ITPR2: variants seen among roughly 807,000 people sequenced by gnomAD.
ITPR2 encodes the protein inositol 1,4,5-trisphosphate receptor type 2.
Under a neutral mutation model 317.1 loss-of-function variants are expected in ITPR2, and 207 were observed. The observed-to-expected ratio is 0.65, with a 90% CI of 0.58 to 0.73. ITPR2 has a LOEUF of 0.73. Ranked by LOEUF, ITPR2 falls within the 30% of genes least tolerant of loss-of-function variation. ITPR2 has a pLI of 0.00. For missense variants in ITPR2, 2,613 were observed against 3,284.0 expected (o/e 0.80, Z 4.99); for synonymous variants, 1,156 against 1,149.1 (o/e 1.01, Z -0.12).
At position 26,602,472 on chromosome 12, in the gene ITPR2, G is replaced by A. The variant is rs1234134338; in HGVS notation, c.3576C>T (p.Leu1192=). The A allele has an allele frequency of 6.2e-7, 1 of 1,613,268 alleles. No individual in the cohort carries two copies. The highest frequency in any genetic ancestry group is 2.2e-5 in the East Asian group (1 of 44,854). Residue 1192 remains leucine, a synonymous_variant, in exon 28 of 57, where the codon CTC becomes CTT. Coordinates refer to ENST00000381340, the MANE Select transcript of ITPR2 (RefSeq NM_002223.4). ...TCCGACACTTTTTATTCTGCACACA[G>A]AGTTTACTTAGCCTGATCAAAATCT... The part of the protein sequence containing the change: ...VKEILIRLSK[L]CVQNKKCRNQ...
At position 26,437,127 on chromosome 12, in the gene ITPR2, T is replaced by C. The variant is rs150750346; in HGVS notation, c.6644-781A>G. ...CACCTCTGTTAAATAACTGAACGGA[T>C]TGGTAATGCATGTAAGTTTGAATGA... On this transcript the variant is annotated intron_variant, in intron 47 of 56. Coordinates refer to ENST00000381340, the MANE Select transcript of ITPR2 (RefSeq NM_002223.4). Among the ~76,000 whole-genome samples, 127 of 152,310 alleles carry C rather than the reference T, an allele frequency of 8.3e-4. 1 individual carries two copies. The highest frequency in any genetic ancestry group is 2.8e-3 in the African/African-American group (116 of 41,574).
At chr12:26,689,037 G>A (rs576642638) in intron 10 of ITPR2, among the ~76,000 whole-genome samples, 9 of 152,248 alleles carry the variant, frequency 5.9e-5, no homozygotes, top group South Asian at 2.1e-4. Context: ...TGATGGATAC[G>A]TTAATTTGCT....
intron 1 of ITPR2, among the ~76,000 whole-genome samples, chr12:26,813,425 T>A (rs1950790341): frequency 6.6e-6 from 1 of 152,238 alleles, no homozygotes; most frequent in Non-Finnish European, 1.5e-5. Context: ...ACAAATTTAC[T>A]GTGAGAAATA....
At chr12:26,414,086 CAA>C (rs1940645429) in intron 51 of ITPR2, among the ~76,000 whole-genome samples, 2 of 150,116 alleles carry the variant, frequency 1.3e-5, no homozygotes, top group African/African-American at 4.9e-5. Flanking sequence ...CACACACACA[CAA>C]ACACAAGTCC....
chr12:26,530,021 A>G (rs1943907635), intron 37 of ITPR2, among the ~76,000 whole-genome samples: 3 of 152,230 alleles, frequency 2.0e-5, no homozygotes. Context: ...TCTACCTCCA[A>G]TATTTCTGAA....
intron 48 of ITPR2, among the ~76,000 whole-genome samples, chr12:26,435,436 T>C (rs1006725044): frequency 6.6e-6 from 1 of 152,196 alleles, no homozygotes; most frequent in Admixed American, 6.5e-5. Context: ...ATGGTTATTA[T>C]TAGCTGATTT....
At chr12:26,403,606 ACT>A (rs1423085163) in intron 52 of ITPR2, among the ~76,000 whole-genome samples, 1 of 151,980 alleles carries the variant, frequency 6.6e-6, no homozygotes, top group Non-Finnish European at 1.5e-5. Context: ...TGACAGAGAG[ACT>A]CTGTCTCTAA....
chr12:26,798,862 G>A (rs1465737354), intron 1 of ITPR2, among the ~76,000 whole-genome samples: 3 of 152,136 alleles, frequency 2.0e-5, no homozygotes, highest in Non-Finnish European at 4.4e-5. Context: ...ACTTATAAAT[G>A]CAAAACAGAT....
intron 12 of ITPR2, among the ~76,000 whole-genome samples, 177 bp downstream of exon 12, chr12:26,682,397 C>T (rs1461203662): frequency 6.6e-6 from 1 of 152,222 alleles, no homozygotes; most frequent in Admixed American, 6.5e-5. Context: ...GCCTCCAACC[C>T]ATTTAGATCA....
At chr12:26,547,155 G>C (rs1944408663) in intron 37 of ITPR2, among the ~76,000 whole-genome samples, 2 of 152,166 alleles carry the variant, frequency 1.3e-5, no homozygotes, top group African/African-American at 4.8e-5. Context: ...TTATTTATCT[G>C]ACTGGAGACT....
chr12:26,775,441 G>A (rs1169157332), intron 2 of ITPR2, among the ~76,000 whole-genome samples: 1 of 152,158 alleles, frequency 6.6e-6, no homozygotes, highest in Admixed American at 6.5e-5. Context: ...CACAGCACAG[G>A]AAGGACGAAA....
intron 31 of ITPR2, 96 bp downstream of exon 31, chr12:26,596,787 A>T (rs560912114): frequency 1.0e-6 from 1 of 974,202 alleles, no homozygotes; most frequent in Non-Finnish European, 1.5e-6. Context: ...ATATGATCTC[A>T]TTATAAATAT....
At chr12:26,457,126 C>T (rs1036073796) in intron 45 of ITPR2, among the ~76,000 whole-genome samples, 2 of 152,178 alleles carry the variant, frequency 1.3e-5, no homozygotes, top group Non-Finnish European at 2.9e-5. Context: ...AATATATCAT[C>T]TATCAAAATG....
intron 14 of ITPR2, 69 bp from the exon 15 acceptor site, chr12:26,663,915 A>C: frequency 7.4e-7 from 1 of 1,347,854 alleles, no homozygotes; most frequent in South Asian, 1.4e-5. Context: ...TTTTTAACAA[A>C]TAAGAACATT....
At position 26,487,284 on chromosome 12, in the gene ITPR2, C is replaced by A. The variant is rs765335152; in HGVS notation, c.5371-33G>T. On this transcript the variant is annotated intron_variant, in intron 39 of 56. Transcript: ENST00000381340. ...AAAACATATTTTAAGACATCAATACCCAAGGGGAGACAAATGGTGTTTTTA... is the reference window on the plus strand; with the variant it reads ...AAAACATATTTTAAGACATCAATACACAAGGGGAGACAAATGGTGTTTTTA... The A allele has an allele frequency of 8.0e-6, 12 of 1,491,758 alleles. No homozygotes were observed. The South Asian group carries it at 1.5e-4, about 19-fold the overall frequency. 92.4% of individuals were successfully genotyped at this position (1,491,758 alleles called of 1,614,324 possible).
At chr12:26,547,025 G>C (rs768698303) in intron 37 of ITPR2, among the ~76,000 whole-genome samples, 2 of 152,094 alleles carry the variant, frequency 1.3e-5, no homozygotes, top group Non-Finnish European at 2.9e-5. Flanking sequence ...GAAAAGCACA[G>C]GCAACAGAAA....
intron 2 of ITPR2, among the ~76,000 whole-genome samples, chr12:26,762,465 A>G (rs920343059): frequency 1.3e-5 from 2 of 152,190 alleles, no homozygotes; most frequent in African/African-American, 2.4e-5. Flanking sequence ...ACTGCCAACC[A>G]AGACTATTAC....
intron 13 of ITPR2, among the ~76,000 whole-genome samples, chr12:26,666,848 C>T (rs906363722): frequency 1.3e-5 from 2 of 152,220 alleles, no homozygotes; most frequent in Non-Finnish European, 2.9e-5. Flanking sequence ...CTCCTCCTTC[C>T]TCTGCCTGCT....
intron 26 of ITPR2, among the ~76,000 whole-genome samples, chr12:26,605,636 A>G (rs1018855061): frequency 1.3e-5 from 2 of 152,242 alleles, no homozygotes; most frequent in Non-Finnish European, 2.9e-5. Context: ...TTGTTTTAAG[A>G]AAAGTAATCT....
Sources: allele counts gnomAD v4.1 joint callset (sites outside exome capture counted in the v4.1 genomes callset), GRCh38; gene constraint gnomAD v4.1.1; transcripts MANE v1.5; gene names NCBI Gene and HGNC (gene_info 2026-07-23, HGNC 2026-07-21).